SCAP: variants seen among roughly 807,000 people sequenced by gnomAD.
SCAP encodes SREBF chaperone.
Under a neutral mutation model 123.6 loss-of-function variants are expected in SCAP, and 65 were observed. The observed-to-expected ratio is 0.53, with a 90% CI of 0.43 to 0.65. The LOEUF is 0.65. SCAP is among the 30% of genes least tolerant of loss of function. The pLI is 0.00. For missense variants in SCAP, 1,398 were observed against 1,712.5 expected, an observed-to-expected ratio of 0.82 and a Z score of 3.24; for synonymous variants, 740 against 726.3, an observed-to-expected ratio of 1.02 and a Z score of -0.30.
intron 10 of SCAP, 87 bp downstream of exon 10, chr3:47,422,355 A>C: frequency 1.7e-6 from 2 of 1,167,270 alleles, no homozygotes; most frequent in Non-Finnish European, 2.5e-6. Context: ...TGTGCTGAAG[A>C]GGGGAGCACC....
Position 47,418,196 on chromosome 3 carries a change from T to C in SCAP, c.2385A>G (p.Ala795=). 1 of 1,575,618 alleles carries C rather than the reference T, an allele frequency of 6.3e-7. No individual in the cohort carries two copies. The highest frequency in any genetic ancestry group is 1.4e-5 in the African/African-American group (1 of 74,058). Reference sequence around the variant, plus strand: ...GCGCGTCCCACACGCAGACGTGGCCTGCCAGGCAGCAGCTCACCAGCAGCA... The same window carrying C: ...GCGCGTCCCACACGCAGACGTGGCCCGCCAGGCAGCAGCTCACCAGCAGCA... ...DGMLLVSCCL[A]GHVCVWDAQT... is the part of the protein sequence containing the mutation. The change falls in exon 16 of 23, where the codon GCA becomes GCG. Residue 795 remains alanine (A), a synonymous_variant. Coordinates refer to ENST00000265565, the MANE Select transcript of SCAP (RefSeq NM_012235.4).
At chr3:47,428,411 C>A in intron 4 of SCAP, 102 bp downstream of exon 4, 1 of 1,220,748 alleles carries the variant, frequency 8.2e-7, no homozygotes. Context: ...CTTGTTCTAT[C>A]TCTGCAGAGC....
intron 1 of SCAP, among the ~76,000 whole-genome samples, chr3:47,470,367 C>T (rs1707984368): frequency 1.3e-5 from 2 of 152,146 alleles, no homozygotes; most frequent in Non-Finnish European, 2.9e-5. Context: ...GCACTAGAGA[C>T]CCTAAAGGGG....
chr3:47,466,878 G>A (rs1707847384), intron 1 of SCAP, among the ~76,000 whole-genome samples: 2 of 152,016 alleles, frequency 1.3e-5, no homozygotes, highest in African/African-American at 2.4e-5. Context: ...GAGCTCAGAA[G>A]TTTGAGACCA....
chr3:47,434,434 C>A (rs1706487423), intron 3 of SCAP, among the ~76,000 whole-genome samples: 1 of 152,200 alleles, frequency 6.6e-6, no homozygotes. Flanking sequence ...AGCCCCTCAA[C>A]TGAAGACCTT....
intron 1 of SCAP, among the ~76,000 whole-genome samples, chr3:47,465,537 G>C (rs778689257): frequency 2.6e-5 from 4 of 151,810 alleles, no homozygotes; most frequent in Non-Finnish European, 5.9e-5. Flanking sequence ...GAGGTCAAGT[G>C]GGGAGGACTG....
rs1381861723 is a variant in SCAP, at chr3:47,439,878, C to T, written c.122+2994G>A. Among the ~76,000 whole-genome samples, 2 of 152,224 alleles carry T rather than the reference C, an allele frequency of 1.3e-5. No homozygotes were observed. Among genetic ancestry groups the T allele is most frequent in the Non-Finnish European group, 2.9e-5 (2 of 68,040 alleles). On this transcript the variant is annotated intron_variant, in intron 2 of 22. Coordinates refer to ENST00000265565, the MANE Select transcript of SCAP (RefSeq NM_012235.4). The surrounding 1 kb of genome is among the most constrained non-coding windows in gnomAD (Gnocchi z 4.0). ...CAGTCACTGAAACCTGCAGCCTCAA[C>T]AGCAGCTCAGAGAAGAAAGTCACAC...
intron 1 of SCAP, among the ~76,000 whole-genome samples, chr3:47,473,091 A>AAAAAAAAAAAAAC: frequency 6.8e-6 from 1 of 146,652 alleles, no homozygotes; most frequent in East Asian, 2.0e-4. Flanking sequence ...AAAAAAAAAA[A>AAAAAAAAAAAAAC]AAAAAAAACA....
At chr3:47,464,964 G>C (rs1026049841) in intron 1 of SCAP, among the ~76,000 whole-genome samples, 6 of 152,042 alleles carry the variant, frequency 3.9e-5, no homozygotes, top group Non-Finnish European at 5.9e-5. Context: ...CATTTCTATT[G>C]TTCACTGACA....
At chr3:47,428,463 C>T (rs1706231117) in intron 4 of SCAP, 50 bp downstream of exon 4, 2 of 1,590,054 alleles carry the variant, frequency 1.3e-6, no homozygotes, top group East Asian at 2.2e-5. Flanking sequence ...GTAACTCTCC[C>T]TTCAGTACAG....
rs768509102 is a variant in SCAP, at chr3:47,426,094, C to G, written c.813G>C (p.Leu271=). 4 of 1,614,072 alleles carry G rather than the reference C, an allele frequency of 2.5e-6. No homozygotes were observed. Among genetic ancestry groups the G allele is most frequent in the South Asian group, 2.2e-5 (2 of 91,084 alleles). The change falls in exon 7 of 23, where the codon CTG becomes CTC. Residue 271 remains leucine, a synonymous_variant. Transcript: ENST00000265565. ...TCTCCTCCTTGAAGTGCACGTGGAC[C>G]AGGCTCTCCGCCCGAAGGCTGCAGT... ...SPNCSLRAES[L]VHVHFKEEIG... is the part of the protein sequence containing the mutation.
At chr3:47,456,949 G>A (rs1421628913) in intron 1 of SCAP, among the ~76,000 whole-genome samples, 2 of 152,120 alleles carry the variant, frequency 1.3e-5, no homozygotes, top group Non-Finnish European at 2.9e-5. Flanking sequence ...CACTTTGGGA[G>A]GCTGAGGCGG....
At chr3:47,424,104 G>T in intron 8 of SCAP, 59 bp from the exon 9 acceptor site, 1 of 1,334,938 alleles carries the variant, frequency 7.5e-7, no homozygotes, top group Non-Finnish European at 1.1e-6. Context: ...ACAGACTGGG[G>T]CCCTCAGGAA....
Position 47,435,046 on chromosome 3 carries a change from C to G in SCAP, c.214G>C (p.Asp72His). Residue 72 changes from aspartate (D) to histidine (H), a missense_variant, in exon 3 of 23, where the codon GAC (aspartate) becomes CAC (histidine). Asp to His is a moderately conservative substitution (Grantham distance 81). This residue lies in a region of SCAP where 319 missense variants were observed against 432.4 expected (regional missense o/e 0.74). Transcript: ENST00000265565. Reference sequence around the variant, plus strand: ...TCAGTAGGCTCTCCTTGTTTGCGGTCAGAGTCCACAGGTGGGGGCGAGTAA... The same window carrying G: ...TCAGTAGGCTCTCCTTGTTTGCGGTGAGAGTCCACAGGTGGGGGCGAGTAA... ...KDYSPPPVDSDRKQGEPTEQP... is the reference protein window; with the variant it reads ...KDYSPPPVDSHRKQGEPTEQP... 1 of 1,614,134 alleles carries G rather than the reference C, an allele frequency of 6.2e-7. No homozygotes were observed. The highest frequency in any genetic ancestry group is 8.5e-7 in the Non-Finnish European group (1 of 1,180,002).
At chr3:47,422,598 A>C in intron 9 of SCAP, 62 bp from the exon 10 acceptor site, 1 of 1,379,544 alleles carries the variant, frequency 7.2e-7, no homozygotes, top group Non-Finnish European at 1.0e-6. Flanking sequence ...TGACTCACAC[A>C]ACCTCATGGG....
intron 16 of SCAP, 113 bp from the exon 17 acceptor site, chr3:47,417,939 TGGGGG>T (rs1705691675): frequency 2.2e-4 from 42 of 193,622 alleles, no homozygotes; most frequent in East Asian, 3.6e-4. Flanking sequence ...GAAAAGGGGG[TGGGGG>T]GAGAGGGTGG....
At position 47,418,434 on chromosome 3, in the gene SCAP, G is replaced by A. The variant is rs1393730430; in HGVS notation, c.2218C>T (p.Gln740Ter). The change falls in exon 15 of 23, where the codon CAG becomes TAG. Residue 740 changes from glutamine (Q) to a stop codon, truncating the protein, a stop_gained. Coordinates refer to ENST00000265565, the MANE Select transcript of SCAP (RefSeq NM_012235.4). LOFTEE classifies it high-confidence loss of function. Reference protein sequence around the residue: ...YRVLCPRNYGQLGGGPGRRRR... With the variant: ...YRVLCPRNYG The stretch of plus-strand genomic sequence containing the variant: ...CGCCGCCCGGGCCCACCACCCAGCT[G>A]CCCGTAGTTGCGCGGGCATAGCACG... The A allele has an allele frequency of 3.1e-6, 5 of 1,589,114 alleles. No individual in the cohort carries two copies. Among genetic ancestry groups the A allele is most frequent in the Non-Finnish European group, 4.3e-6 (5 of 1,171,226 alleles).
At chr3:47,471,883 G>A (rs1258149055) in intron 1 of SCAP, among the ~76,000 whole-genome samples, 1 of 152,042 alleles carries the variant, frequency 6.6e-6, no homozygotes, top group East Asian at 1.9e-4. Flanking sequence ...GTTCATGCCT[G>A]TAATCCCAGC....
intron 6 of SCAP, 34 bp from the exon 7 acceptor site, chr3:47,426,203 T>G (rs371384098): frequency 2.7e-5 from 43 of 1,598,676 alleles, no homozygotes; most frequent in Middle Eastern, 1.7e-4. Flanking sequence ...TAAATGGAAG[T>G]GTTGCTCTTG....
Sources: gnomAD v4.1 joint callset for allele counts (sites outside exome capture counted in the v4.1 genomes callset) on GRCh38, gnomAD v4.1.1 for gene constraint, gnomAD v4.1.1 regional missense constraint, Gnocchi (gnomAD v3.1) non-coding constraint, MANE v1.5 for transcripts, NCBI Gene and HGNC (gene_info 2026-07-23, HGNC 2026-07-21) for gene names.